Variants in MGAT5 observed in about 807,000 individuals in gnomAD.
The protein encoded by MGAT5 is alpha-1,6-mannosylglycoprotein 6-beta-N-acetylglucosaminyltransferase.
Under a neutral mutation model 94.3 loss-of-function variants are expected in MGAT5, and 30 were observed. The observed-to-expected ratio is 0.32, with a 90% CI of 0.24 to 0.43. MGAT5 has a LOEUF of 0.43. MGAT5 is among the 20% of genes least tolerant of loss of function. The probability of loss-of-function intolerance (pLI) is 1.00; values close to 1 mark genes in which losing one functional copy is unlikely to be tolerated. For missense variants in MGAT5, 691 were observed against 905.5 expected (o/e 0.76, Z 3.04); for synonymous variants, 310 against 322.9 (o/e 0.96, Z 0.43).
chr2:134,284,262 G>A (rs1684874550), intron 2 of MGAT5, among the ~76,000 whole-genome samples: 3 of 152,184 alleles, frequency 2.0e-5, no homozygotes. Context: ...TACATAGCCT[G>A]TGTCAGGGGT....
intron 1 of MGAT5, among the ~76,000 whole-genome samples, chr2:134,167,906 G>C (rs141836931): frequency 6.6e-6 from 1 of 152,274 alleles, no homozygotes; most frequent in African/African-American, 2.4e-5. Flanking sequence ...CAAACATGCT[G>C]TACCTGGGGA....
rs1232003327 is a variant in MGAT5, at chr2:134,130,198, GCCCGCCCCGC to G, written c.-143+9911_-143+9920del. On this transcript the variant is annotated intron_variant, in intron 1 of 16. Transcript: ENST00000409645. ...GGGATCTGCAGCCCGCCATGCTGGAGCCCGCCCCGCCCCACACCGCCCCACACCGCCCCAC... is the reference window on the plus strand; with the variant it reads ...GGGATCTGCAGCCCGCCATGCTGGAGCCCACACCGCCCCACACCGCCCCAC... Among the ~76,000 whole-genome samples the G allele has an allele frequency of 2.4e-4, 20 of 82,916 alleles. 1 individual carries two copies. The East Asian group carries it at 7.7e-3, about 32-fold the overall frequency. 54.4% of individuals were successfully genotyped at this position (82,916 alleles called of 152,430 possible).
intron 5 of MGAT5, among the ~76,000 whole-genome samples, chr2:134,336,709 T>C (rs892629720): frequency 4.6e-5 from 7 of 151,654 alleles, no homozygotes; most frequent in African/African-American, 1.7e-4. Context: ...AAATGATGAG[T>C]GAGTTTATAT....
intron 12 of MGAT5, among the ~76,000 whole-genome samples, chr2:134,421,148 G>C (rs1684266494): frequency 6.6e-6 from 1 of 152,238 alleles, no homozygotes; most frequent in African/African-American, 2.4e-5. Context: ...GACATCCTCA[G>C]TGGCACTGAC....
At chr2:134,252,578 G>A (rs111358860), upstream of MGAT5, among the ~76,000 whole-genome samples, 517 of 152,296 alleles carry the variant, frequency 3.4e-3, 7 homozygotes, top group African/African-American at 0.011. Context: ...GGGTGTGGGT[G>A]GGGCCTGAGA....
chr2:134,311,474 T>C (rs959123141), intron 2 of MGAT5, among the ~76,000 whole-genome samples: 1 of 152,148 alleles, frequency 6.6e-6, no homozygotes, highest in African/African-American at 2.4e-5. Flanking sequence ...CTTCCTAATA[T>C]GGTCAGCCAT....
Position 134,450,818 on chromosome 2 carries a change from G to GTGTGTGTA in MGAT5, c.*1978_*1979insATGTGTGT, listed in dbSNP as rs1170103944. On this transcript the variant is annotated 3_prime_UTR_variant, in exon 16 of 16. Coordinates refer to ENST00000281923, the MANE Select transcript of MGAT5 (RefSeq NM_002410.5). ...TGTGTGTGTGTGTGTGTGTGTGTGT[G>GTGTGTGTA]TGTGTGTGTGTGTATGAGCCTGTGC... 6 of 138,900 alleles carry GTGTGTGTA rather than the reference G, an allele frequency of 4.3e-5. No individual in the cohort carries two copies. Among genetic ancestry groups the GTGTGTGTA allele is most frequent in the Admixed American group, 4.3e-4 (6 of 14,018 alleles). The allele number at this position is 138,900 out of a possible 1,614,324, so 8.6% of individuals were successfully genotyped here. A position where few individuals can be genotyped will look rare whatever the true frequency, so the allele number is the denominator to read the frequency against.
At chr2:134,241,323 G>A (rs1272508802) in intron 1 of MGAT5, among the ~76,000 whole-genome samples, 3 of 152,182 alleles carry the variant, frequency 2.0e-5, no homozygotes, top group South Asian at 2.1e-4. Flanking sequence ...ACATTCTGCC[G>A]GAAAACATGT....
At chr2:134,400,830 G>A (rs1683004274) in intron 10 of MGAT5, among the ~76,000 whole-genome samples, 2 of 152,192 alleles carry the variant, frequency 1.3e-5, no homozygotes, top group South Asian at 4.1e-4. Flanking sequence ...TTTAAGGCCA[G>A]CAAGATGTCC....
At chr2:134,292,280 T>C (rs1054019914) in intron 2 of MGAT5, among the ~76,000 whole-genome samples, 1 of 152,128 alleles carries the variant, frequency 6.6e-6, no homozygotes, top group African/African-American at 2.4e-5. Flanking sequence ...GAAAACACAT[T>C]CTGAGACCCA....
At chr2:134,292,485 C>T (rs993032258) in intron 2 of MGAT5, among the ~76,000 whole-genome samples, 14 of 152,088 alleles carry the variant, frequency 9.2e-5, no homozygotes, top group African/African-American at 3.1e-4. Context: ...TTTCTGTTGC[C>T]GGGTCTGCTG....
intron 10 of MGAT5, among the ~76,000 whole-genome samples, chr2:134,372,281 C>T (rs1290685075): frequency 6.6e-6 from 1 of 152,206 alleles, no homozygotes; most frequent in African/African-American, 2.4e-5. Flanking sequence ...CCTTTGCTTC[C>T]CAGTACAGCT....
chr2:134,190,665 T>C (rs528984555), intron 1 of MGAT5, among the ~76,000 whole-genome samples: 11 of 152,174 alleles, frequency 7.2e-5, no homozygotes, highest in Non-Finnish European at 1.2e-4. Context: ...TTTTGTTTTT[T>C]TCAGACAGTC....
intron 1 of MGAT5, among the ~76,000 whole-genome samples, chr2:134,126,150 A>G (rs1207610049): frequency 6.6e-6 from 1 of 152,248 alleles, no homozygotes; most frequent in Admixed American, 6.5e-5. Context: ...CATTGGACAT[A>G]GCAGTGAGCA....
intron 10 of MGAT5, 132 bp downstream of exon 10, chr2:134,362,540 G>T: frequency 8.6e-7 from 1 of 1,159,472 alleles, no homozygotes; most frequent in Non-Finnish European, 1.2e-6. Context: ...AAACAAGAAT[G>T]TGCAAAGATT....
At chr2:134,448,163 C>G (rs1034558592) in intron 15 of MGAT5, among the ~76,000 whole-genome samples, 1 of 152,238 alleles carries the variant, frequency 6.6e-6, no homozygotes, top group African/African-American at 2.4e-5. Flanking sequence ...GGCATTAGCA[C>G]ATAGCCGTCT....
intron 1 of MGAT5, among the ~76,000 whole-genome samples, chr2:134,168,430 A>G (rs1023625541): frequency 6.6e-6 from 1 of 152,220 alleles, no homozygotes; most frequent in African/African-American, 2.4e-5. Flanking sequence ...CCTCATTGAA[A>G]TGGAAAGATG....
intron 1 of MGAT5, among the ~76,000 whole-genome samples, chr2:134,245,288 C>T (rs1387668266): frequency 1.3e-5 from 2 of 152,246 alleles, no homozygotes; most frequent in African/African-American, 4.8e-5. Context: ...GGATTACAGG[C>T]GTGAGCCACA....
chr2:134,216,823 G>A (rs954420303), intron 1 of MGAT5, among the ~76,000 whole-genome samples: 1 of 152,216 alleles, frequency 6.6e-6, no homozygotes, highest in Non-Finnish European at 1.5e-5. Flanking sequence ...TCCTGAGCGG[G>A]CTGGGGAGAT....
Sources: allele counts gnomAD v4.1 joint callset (sites outside exome capture counted in the v4.1 genomes callset), GRCh38; gene constraint gnomAD v4.1.1; transcripts MANE v1.5; gene names NCBI Gene and HGNC (gene_info 2026-07-23, HGNC 2026-07-21).